The following TMEM71 variants were observed in gnomAD, a reference collection of about 807,000 sequenced individuals.
TMEM71 encodes transmembrane protein 71.
Under a neutral mutation model 38.0 loss-of-function variants are expected in TMEM71, and 44 were observed. The observed-to-expected ratio is 1.16, with a 90% CI of 0.91 to 1.49. The LOEUF (loss-of-function observed/expected upper bound fraction) is 1.49. Ranked by LOEUF, TMEM71 falls within the 40% of genes most tolerant of loss-of-function variation. The pLI, the probability that TMEM71 is intolerant of heterozygous loss-of-function variation, is 0.00. For synonymous variants in TMEM71, 133 were observed against 122.5 expected (o/e 1.09, Z -0.56); for missense variants, 367 against 348.6 (o/e 1.05, Z -0.42).
intron 9 of TMEM71, among the ~76,000 whole-genome samples, chr8:132,711,881 C>T (rs1826255373): frequency 6.6e-6 from 1 of 151,988 alleles, no homozygotes; most frequent in Non-Finnish European, 1.5e-5. Flanking sequence ...GAACTGAATT[C>T]AGTTCCTTAG....
At chr8:132,761,375 A>T (rs1829292250), upstream of TMEM71, among the ~76,000 whole-genome samples, 1 of 152,218 alleles carries the variant, frequency 6.6e-6, no homozygotes, top group Non-Finnish European at 1.5e-5. Context: ...TGATGGCTTG[A>T]AGAATTAAAT....
chr8:132,745,064 A>G (rs1828261435), intron 5 of TMEM71, among the ~76,000 whole-genome samples: 1 of 152,212 alleles, frequency 6.6e-6, no homozygotes, highest in Non-Finnish European at 1.5e-5. Flanking sequence ...CCCTTAACCT[A>G]TAAGAATCCT....
chr8:132,714,119 G>A lies in TMEM71; in HGVS notation c.814+35C>T, dbSNP rs191128883. 6.9e-5 allele frequency: 111 copies of A among 1,606,104 alleles called. 1 individual carries two copies. The East Asian group carries it at 1.9e-3, about 28-fold the overall frequency. On this transcript the variant is annotated intron_variant, in intron 8 of 9. Transcript: ENST00000677595. ...TGACCAAAATTGGAATGAAATACAG[G>A]CATCATTGCAGTAATCTGGGAAACA...
At chr8:132,754,047 T>C (rs1351806264) in intron 3 of TMEM71, among the ~76,000 whole-genome samples, 2 of 152,216 alleles carry the variant, frequency 1.3e-5, no homozygotes, top group Non-Finnish European at 2.9e-5. Context: ...TATCATAGTT[T>C]GATGGCTTTT....
chr8:132,741,721 A>G (rs2467964), intron 5 of TMEM71, among the ~76,000 whole-genome samples: 104,139 of 151,768 alleles, frequency 0.69, 36,458 homozygotes, highest in South Asian at 0.79. Context: ...AGGTGTACAG[A>G]ATGGAACATG....
chr8:132,752,533 A>G (rs1372070613), intron 3 of TMEM71, among the ~76,000 whole-genome samples: 1 of 152,162 alleles, frequency 6.6e-6, no homozygotes, highest in Non-Finnish European at 1.5e-5. Flanking sequence ...GGGAAGGCCC[A>G]TAATTCCTTG....
At chr8:132,750,342 C>G (rs1031626401) in intron 4 of TMEM71, among the ~76,000 whole-genome samples, 1 of 152,122 alleles carries the variant, frequency 6.6e-6, no homozygotes, top group African/African-American at 2.4e-5. Flanking sequence ...TTTCCCTGAC[C>G]CTTATTACAA....
chr8:132,758,846 C>G lies in TMEM71; in HGVS notation c.34G>C (p.Val12Leu). 1.2e-6 allele frequency: 2 copies of G among 1,613,606 alleles called. No homozygotes were observed. The highest frequency in any genetic ancestry group is 1.7e-6 in the Non-Finnish European group (2 of 1,179,628). ...YRISQLMSTP[V>L]ASSSRLEREY... ...ACAGTTCTTCTACATTTACTTGCTA[C>G]TGGTGTTGACATCAGTTGAGATATT... is the stretch of plus-strand genomic sequence containing the variant. Residue 12 changes from valine to leucine, a missense_variant, in exon 2 of 10, where the codon GTA becomes CTA. Transcript: ENST00000677595.
downstream of TMEM71, among the ~76,000 whole-genome samples, chr8:132,707,727 C>A (rs967704499): frequency 1.3e-5 from 2 of 152,174 alleles, no homozygotes; most frequent in Admixed American, 6.5e-5. Flanking sequence ...AGTACACAGT[C>A]TGTGATATTC....
chr8:132,736,482 C>G (rs560127340), intron 5 of TMEM71, among the ~76,000 whole-genome samples: 3 of 152,234 alleles, frequency 2.0e-5, no homozygotes, highest in African/African-American at 7.2e-5. Flanking sequence ...TTCTGGAAAT[C>G]TATCCTATAT....
At chr8:132,765,209 T>C (rs1829347640), upstream of TMEM71, among the ~76,000 whole-genome samples, 1 of 152,218 alleles carries the variant, frequency 6.6e-6, no homozygotes, top group Admixed American at 6.5e-5. Flanking sequence ...AGATAGGCCC[T>C]AAAAGCAACT....
intron 7 of TMEM71, among the ~76,000 whole-genome samples, chr8:132,720,053 T>C (rs555447395): frequency 6.6e-6 from 1 of 152,272 alleles, no homozygotes; most frequent in South Asian, 2.1e-4. Flanking sequence ...TTTCTGCTAT[T>C]TTTCTTTTGG....
At chr8:132,726,137 C>G (rs907190627) in intron 6 of TMEM71, among the ~76,000 whole-genome samples, 2 of 152,062 alleles carry the variant, frequency 1.3e-5, no homozygotes, top group Non-Finnish European at 2.9e-5. Flanking sequence ...AAGAGAAGTC[C>G]TGGGAGCTAG....
At position 132,710,893 on chromosome 8, in the gene TMEM71, A is replaced by C; in HGVS notation, c.*74T>G. On this transcript the variant is annotated 3_prime_UTR_variant, in exon 10 of 10. Transcript: ENST00000677595. ...CCCTTCCAATAAAACACTTGATTCC[A>C]AGTAGACTGCAAGTTGGACAATTTC... is the stretch of plus-strand genomic sequence containing the variant. 1.4e-6 allele frequency: 2 copies of C among 1,411,916 alleles called. No homozygotes were observed. Among genetic ancestry groups the C allele is most frequent in the Non-Finnish European group, 2.0e-6 (2 of 998,762 alleles). The allele number at this position is 1,411,916 out of a possible 1,614,324, so 87.5% of individuals were successfully genotyped here.
At chr8:132,717,416 A>T (rs1826593799) in intron 7 of TMEM71, among the ~76,000 whole-genome samples, 1 of 152,246 alleles carries the variant, frequency 6.6e-6, no homozygotes, top group African/African-American at 2.4e-5. Context: ...CTGGTTTAAA[A>T]AGTGTCAGAG....
At chr8:132,749,533 C>T (rs1334905199) in intron 4 of TMEM71, among the ~76,000 whole-genome samples, 2 of 152,166 alleles carry the variant, frequency 1.3e-5, no homozygotes, top group African/African-American at 4.8e-5. Flanking sequence ...GAAGATGTTC[C>T]TTCAGCTCAC....
chr8:132,719,570 A>G (rs1319794612), intron 7 of TMEM71, among the ~76,000 whole-genome samples: 1 of 152,252 alleles, frequency 6.6e-6, no homozygotes, highest in East Asian at 1.9e-4. Context: ...TATGAGGCAT[A>G]CTCAACCTGT....
intron 6 of TMEM71, 124 bp from the exon 7 acceptor site, chr8:132,722,239 T>C: frequency 1.4e-6 from 1 of 698,624 alleles, no homozygotes; most frequent in Admixed American, 2.8e-5. Flanking sequence ...GGAATGTATG[T>C]CAGTTCAAGC....
upstream of TMEM71, among the ~76,000 whole-genome samples, chr8:132,764,501 T>A (rs1159446551): frequency 6.6e-6 from 1 of 152,212 alleles, no homozygotes; most frequent in Non-Finnish European, 1.5e-5. Flanking sequence ...ATCCTCTTCA[T>A]GGCCTGCCAG....
Sources: gnomAD v4.1 joint callset for allele counts (sites outside exome capture counted in the v4.1 genomes callset) on GRCh38, gnomAD v4.1.1 for gene constraint, MANE v1.5 for transcripts, NCBI Gene and HGNC (gene_info 2026-07-23, HGNC 2026-07-21) for gene names.